AUTS2: variants seen among roughly 807,000 people sequenced by gnomAD.
AUTS2 encodes autism susceptibility gene 2 protein.
A neutral mutation model predicts 112.4 loss-of-function variants in AUTS2; 17 were observed. That is an observed-to-expected ratio of 0.15 (90% CI 0.10 to 0.23). The LOEUF is 0.23. Ranked by LOEUF, AUTS2 falls within the 10% of genes least tolerant of loss-of-function variation. The probability of loss-of-function intolerance (pLI) is 1.00; values close to 1 mark genes in which losing one functional copy is unlikely to be tolerated. For missense variants in AUTS2, 1,510 were observed against 1,701.6 expected (o/e 0.89, Z 1.98); for synonymous variants, 751 against 702.7 (o/e 1.07, Z -1.09).
At chr7:69,723,509 G>T (rs73170834) in intron 1 of AUTS2, among the ~76,000 whole-genome samples, 14,862 of 152,076 alleles carry the variant, frequency 0.098, 1,162 homozygotes, top group African/African-American at 0.21. Context: ...TCATTTGTTA[G>T]ATGATGATAA....
chr7:69,891,167 C>T (rs903796628), intron 1 of AUTS2, among the ~76,000 whole-genome samples: 1 of 152,190 alleles, frequency 6.6e-6, no homozygotes, highest in African/African-American at 2.4e-5. Flanking sequence ...AAGCCACTAG[C>T]CTGCTTGCTG....
intron 2 of AUTS2, among the ~76,000 whole-genome samples, chr7:70,013,239 G>A (rs985534587): frequency 6.6e-6 from 1 of 152,128 alleles, no homozygotes; most frequent in African/African-American, 2.4e-5. Flanking sequence ...TAAAGCTGAT[G>A]GTAACAATTT....
chr7:70,764,148 G>A (rs1212753525), intron 7 of AUTS2, among the ~76,000 whole-genome samples: 2 of 152,114 alleles, frequency 1.3e-5, no homozygotes, highest in Non-Finnish European at 2.9e-5. Context: ...GTGGTTCCGG[G>A]CCTTGCTTTT....
In AUTS2 at chr7:70,735,718, G is replaced by C. The variant is rs540207819; in HGVS notation, c.743-27152G>C. On this transcript the variant is annotated intron_variant, in intron 6 of 18. Coordinates refer to ENST00000342771, the MANE Select transcript of AUTS2 (RefSeq NM_015570.4). ...GAGGATAGAGTGCCCAGGAGTGAGA[G>C]AATACTGTGTTATTAGAATGCTTGT... Among the ~76,000 whole-genome samples the C allele has an allele frequency of 7.2e-5, 11 of 152,228 alleles. No homozygotes were observed. In the South Asian group the frequency reaches 2.3e-3, roughly 32 times the overall value.
At chr7:70,771,997 C>T (rs767943503) in intron 11 of AUTS2, among the ~76,000 whole-genome samples, 3 of 152,152 alleles carry the variant, frequency 2.0e-5, no homozygotes, top group Non-Finnish European at 4.4e-5. Flanking sequence ...CAGGTTGTTC[C>T]GCAGGTGTAT....
chr7:69,648,555 G>C (rs762729205), intron 1 of AUTS2, among the ~76,000 whole-genome samples: 3 of 151,632 alleles, frequency 2.0e-5, no homozygotes, highest in Non-Finnish European at 4.4e-5. Flanking sequence ...TAGAAAACGT[G>C]CAAGAAAAGA....
intron 10 of AUTS2, among the ~76,000 whole-genome samples, chr7:70,771,056 C>T (rs921998202): frequency 3.9e-5 from 6 of 152,050 alleles, no homozygotes; most frequent in Non-Finnish European, 7.4e-5. Flanking sequence ...ACTCTCATTT[C>T]CTCAAACTAT....
At chr7:70,053,625 G>A (rs1801861650) in intron 2 of AUTS2, among the ~76,000 whole-genome samples, 1 of 150,168 alleles carries the variant, frequency 6.7e-6, no homozygotes. Flanking sequence ...CTGAAGCCTT[G>A]CCCTCCAGGG....
At position 70,620,877 on chromosome 7, in the gene AUTS2, T is replaced by G. The variant is rs148084900; in HGVS notation, c.691-77692T>G. Among the ~76,000 whole-genome samples the G allele has an allele frequency of 4.2e-3, 638 of 152,170 alleles. 2 individuals are homozygous for G. Among genetic ancestry groups the G allele is most frequent in the Non-Finnish European group, 6.4e-3 (435 of 68,006 alleles). On this transcript the variant is annotated intron_variant, in intron 5 of 18. Coordinates refer to ENST00000342771, the MANE Select transcript of AUTS2 (RefSeq NM_015570.4). ...CAGATCAAGGGGCAGGGAGGGAAAC[T>G]GGGACGTTTTGGAGGAGGGTTGCCA... is the stretch of plus-strand genomic sequence containing the variant.
At chr7:69,867,281 G>A (rs143434807) in intron 1 of AUTS2, among the ~76,000 whole-genome samples, 166 of 152,276 alleles carry the variant, frequency 1.1e-3, no homozygotes, top group African/African-American at 3.9e-3. Flanking sequence ...AATCTGGGCG[G>A]CCTGGCTGAA....
chr7:70,601,350 T>C (rs1803464119), intron 5 of AUTS2, among the ~76,000 whole-genome samples: 1 of 152,226 alleles, frequency 6.6e-6, no homozygotes, highest in Non-Finnish European at 1.5e-5. Context: ...AGATCCTTCT[T>C]AGGGCAGCTC....
chr7:70,434,414 T>G (rs1030398289), intron 4 of AUTS2, among the ~76,000 whole-genome samples: 1 of 152,206 alleles, frequency 6.6e-6, no homozygotes, highest in African/African-American at 2.4e-5. Context: ...ATTTCCTGTT[T>G]CTGTTCAAAG....
intron 1 of AUTS2, among the ~76,000 whole-genome samples, chr7:69,869,910 A>G (rs1793406535): frequency 6.6e-6 from 1 of 152,184 alleles, no homozygotes; most frequent in Admixed American, 6.6e-5. Context: ...GTTTGATGGC[A>G]TGGGAACTGT....
At chr7:70,557,832 G>A (rs1801314625) in intron 5 of AUTS2, among the ~76,000 whole-genome samples, 1 of 152,196 alleles carries the variant, frequency 6.6e-6, no homozygotes. Context: ...GCAACGATAG[G>A]ATGACTCCAG....
intron 5 of AUTS2, among the ~76,000 whole-genome samples, chr7:70,484,052 G>A (rs1797891679): frequency 6.6e-6 from 1 of 152,176 alleles, no homozygotes; most frequent in South Asian, 2.1e-4. Flanking sequence ...TATTATGGAA[G>A]TAAGATTTGT....
In AUTS2 at chr7:70,029,180, T is replaced by A. The variant is rs561825652; in HGVS notation, c.523-88952T>A. Among the ~76,000 whole-genome samples, 3 of 151,892 alleles carry A rather than the reference T, an allele frequency of 2.0e-5. No individual in the cohort carries two copies. The East Asian group carries it at 5.8e-4, about 29-fold the overall frequency. On this transcript the variant is annotated intron_variant, in intron 2 of 18. Coordinates refer to ENST00000342771, the MANE Select transcript of AUTS2 (RefSeq NM_015570.4). ...GGAAACAGTGATAGTATCTGCCTTGTGGGTTGTTTTAAGAGTTAAATATGG... is the reference window on the plus strand; with the variant it reads ...GGAAACAGTGATAGTATCTGCCTTGAGGGTTGTTTTAAGAGTTAAATATGG...
intron 5 of AUTS2, among the ~76,000 whole-genome samples, chr7:70,536,957 C>G (rs776682419): frequency 9.2e-5 from 14 of 152,220 alleles, no homozygotes; most frequent in Admixed American, 3.3e-4. Flanking sequence ...GTGTTAGCAA[C>G]TGTAGAGTAT....
chr7:70,128,823 T>C (rs772486920), intron 3 of AUTS2, among the ~76,000 whole-genome samples: 4 of 152,220 alleles, frequency 2.6e-5, no homozygotes, highest in Non-Finnish European at 5.9e-5. Flanking sequence ...ATGTACCCTC[T>C]GCAGGCTCTA....
At chr7:69,649,508 T>G (rs1795193578) in intron 1 of AUTS2, among the ~76,000 whole-genome samples, 1 of 152,152 alleles carries the variant, frequency 6.6e-6, no homozygotes, top group Admixed American at 6.5e-5. Context: ...AGAGTCTCAC[T>G]GTATGCTTTT....
Sources: gnomAD v4.1 joint callset for allele counts (sites outside exome capture counted in the v4.1 genomes callset) on GRCh38, gnomAD v4.1.1 for gene constraint, MANE v1.5 for transcripts, NCBI Gene and HGNC (gene_info 2026-07-23, HGNC 2026-07-21) for gene names.